The following PCDH9 variants were observed in gnomAD, a reference collection of about 807,000 sequenced individuals.
The protein encoded by PCDH9 is protocadherin 9.
A neutral mutation model predicts 70.6 loss-of-function variants in PCDH9; 24 were observed. The observed-to-expected ratio is 0.34, with a 90% CI of 0.25 to 0.48. The LOEUF (loss-of-function observed/expected upper bound fraction) is 0.48, where lower values mean the gene tolerates loss of function less well. PCDH9 is among the 20% of genes least tolerant of loss of function. PCDH9 has a pLI of 0.99. For missense variants in PCDH9, 1,281 were observed against 1,503.6 expected, an observed-to-expected ratio of 0.85 and a Z score of 2.45; for synonymous variants, 562 against 558.5, an observed-to-expected ratio of 1.01 and a Z score of -0.09.
chr13:66,370,903 T>C (rs1409052506), intron 4 of PCDH9, among the ~76,000 whole-genome samples: 1 of 152,130 alleles, frequency 6.6e-6, no homozygotes, highest in Non-Finnish European at 1.5e-5. Context: ...CAACATTTCT[T>C]TGAATTTAAG....
At chr13:66,392,883 T>A (rs1365874615) in intron 4 of PCDH9, among the ~76,000 whole-genome samples, 3 of 150,924 alleles carry the variant, frequency 2.0e-5, no homozygotes, top group Non-Finnish European at 4.4e-5. Context: ...AACATGGGCA[T>A]TTGCTTTTTT....
chr13:66,856,290 CAAGGGGCTATGAGA>C (rs2081393367), intron 3 of PCDH9, among the ~76,000 whole-genome samples: 1 of 151,922 alleles, frequency 6.6e-6, no homozygotes, highest in Admixed American at 6.6e-5. Context: ...CACTGCACAT[CAAGGGGCTATGAGA>C]AAGTTGCAGG....
chr13:66,533,006 C>T (rs1014443315), intron 4 of PCDH9, among the ~76,000 whole-genome samples: 1 of 152,134 alleles, frequency 6.6e-6, no homozygotes, highest in African/African-American at 2.4e-5. Flanking sequence ...GGTCACCTTA[C>T]GGTCTTAGCA....
chr13:66,815,413 G>A lies in PCDH9; in HGVS notation c.3138+88091C>T, dbSNP rs566449430. 1.5e-4 allele frequency among the ~76,000 whole-genome samples: 23 copies of A among 152,188 alleles called. No homozygotes were observed. In the East Asian group the frequency reaches 2.7e-3, roughly 18 times the overall value. On this transcript the variant is annotated intron_variant, in intron 3 of 4. Transcript: ENST00000377865. ...TCCCATTATTCAACCCAACAATCCC[G>A]TTATTGGGTATACACCCAAAGGAAT...
chr13:67,092,337 T>C (rs959238376), intron 2 of PCDH9, among the ~76,000 whole-genome samples: 3 of 152,214 alleles, frequency 2.0e-5, no homozygotes, highest in Non-Finnish European at 4.4e-5. Context: ...TGTTTTTGAT[T>C]CTATAAATTA....
At chr13:66,869,006 T>C (rs2139501857) in intron 3 of PCDH9, among the ~76,000 whole-genome samples, 1 of 152,226 alleles carries the variant, frequency 6.6e-6, no homozygotes, top group Admixed American at 6.5e-5. Flanking sequence ...AATTCATAGG[T>C]TTGGCTCAAC....
At chr13:66,882,175 T>G (rs1190528814) in intron 3 of PCDH9, among the ~76,000 whole-genome samples, 1 of 152,226 alleles carries the variant, frequency 6.6e-6, no homozygotes, top group African/African-American at 2.4e-5. Flanking sequence ...AACATTTATC[T>G]CATGTGCCAT....
At chr13:66,974,260 C>A (rs2083576872) in intron 2 of PCDH9, among the ~76,000 whole-genome samples, 1 of 151,928 alleles carries the variant, frequency 6.6e-6, no homozygotes, top group South Asian at 2.1e-4. Flanking sequence ...GGAGTGTGCC[C>A]CCAACTTTGG....
At chr13:67,189,861 T>G (rs916334314) in intron 2 of PCDH9, among the ~76,000 whole-genome samples, 13 of 151,930 alleles carry the variant, frequency 8.6e-5, no homozygotes, top group African/African-American at 1.9e-4. Context: ...AAAAAGTGCT[T>G]TGTCTTCAAG....
At chr13:67,042,536 G>A (rs576066790) in intron 2 of PCDH9, among the ~76,000 whole-genome samples, 5 of 151,926 alleles carry the variant, frequency 3.3e-5, no homozygotes, top group Middle Eastern at 3.4e-3. Context: ...ACTGGCCATG[G>A]GTTATCACAA....
At chr13:66,694,522 T>A (rs1020049716) in intron 3 of PCDH9, among the ~76,000 whole-genome samples, 4 of 152,172 alleles carry the variant, frequency 2.6e-5, no homozygotes, top group Non-Finnish European at 4.4e-5. Flanking sequence ...TTAAAAAATA[T>A]GACCCATATA....
At chr13:66,308,001 A>G (rs923832752) in intron 4 of PCDH9, among the ~76,000 whole-genome samples, 2 of 152,120 alleles carry the variant, frequency 1.3e-5, no homozygotes, top group Non-Finnish European at 1.5e-5. Flanking sequence ...AGGCACCACA[A>G]CTACAGCCTT....
intron 4 of PCDH9, among the ~76,000 whole-genome samples, chr13:66,572,210 T>TTC (rs2076743138): frequency 1.3e-5 from 2 of 152,148 alleles, no homozygotes; most frequent in Admixed American, 6.5e-5. Flanking sequence ...CATTGATCAT[T>TTC]TCTTTGTTTT....
chr13:66,347,691 A>G (rs1171403103), intron 4 of PCDH9, among the ~76,000 whole-genome samples: 1 of 152,044 alleles, frequency 6.6e-6, no homozygotes, highest in Non-Finnish European at 1.5e-5. Flanking sequence ...GCCTTGACCC[A>G]TGGTCAGCCA....
intron 2 of PCDH9, among the ~76,000 whole-genome samples, chr13:66,973,376 T>G (rs74093697): frequency 1.3e-5 from 2 of 151,998 alleles, no homozygotes; most frequent in African/African-American, 4.8e-5. Context: ...AAGCAAACTG[T>G]TAAAATCAAG....
intron 4 of PCDH9, among the ~76,000 whole-genome samples, chr13:66,534,366 A>T (rs921003430): frequency 2.6e-5 from 4 of 152,142 alleles, no homozygotes; most frequent in African/African-American, 9.7e-5. Flanking sequence ...CTGAAGGCTG[A>T]AAGTCTGAGA....
chr13:66,354,599 G>A (rs9529051), intron 4 of PCDH9, among the ~76,000 whole-genome samples: 6,805 of 151,634 alleles, frequency 0.045, 251 homozygotes, highest in East Asian at 0.11. Flanking sequence ...GCGGTAGAAG[G>A]GAAAAAAAGA....
At chr13:67,029,443 A>G (rs1394995903) in intron 2 of PCDH9, among the ~76,000 whole-genome samples, 2 of 152,128 alleles carry the variant, frequency 1.3e-5, no homozygotes, top group Non-Finnish European at 2.9e-5. Context: ...GGAATTATCT[A>G]TCTTTTCTGG....
intron 4 of PCDH9, among the ~76,000 whole-genome samples, chr13:66,355,531 T>C (rs1956368264): frequency 6.6e-6 from 1 of 152,146 alleles, no homozygotes; most frequent in African/African-American, 2.4e-5. Context: ...GCTGACATGC[T>C]GTCTAGTGTT....
Sources: allele counts gnomAD v4.1 joint callset (sites outside exome capture counted in the v4.1 genomes callset), GRCh38; gene constraint gnomAD v4.1.1; transcripts MANE v1.5; gene names NCBI Gene and HGNC (gene_info 2026-07-23, HGNC 2026-07-21).